Variants in SAMHD1 observed in about 807,000 individuals in gnomAD.
SAMHD1 encodes SAM and HD domain containing deoxynucleoside triphosphate triphosphohydrolase 1, also known as deoxynucleoside triphosphate triphosphohydrolase SAMHD1.
A neutral mutation model predicts 79.6 loss-of-function variants in SAMHD1; 54 were observed. The observed-to-expected ratio is 0.68, with a 90% CI of 0.55 to 0.85. The LOEUF is 0.85. Among genes scored for constraint, SAMHD1 ranks in the 40% least tolerant of loss-of-function variants. The pLI, the probability that SAMHD1 is intolerant of heterozygous loss-of-function variation, is 0.00. For missense variants in SAMHD1, 663 were observed against 782.7 expected, an observed-to-expected ratio of 0.85 and a Z score of 1.82; for synonymous variants, 260 against 264.1, an observed-to-expected ratio of 0.98 and a Z score of 0.15.
rs948233853 is a variant in SAMHD1, at chr20:36,951,350, C to A, written c.208+86G>T. The A allele has an allele frequency of 7.2e-5, 114 of 1,582,364 alleles. No homozygotes were observed. In the African/African-American group the frequency reaches 1.4e-3, roughly 19 times the overall value. On this transcript the variant is annotated intron_variant, in intron 1 of 15. Coordinates refer to ENST00000646673, the MANE Select transcript of SAMHD1 (RefSeq NM_015474.4). ...GCAGGGCTCGCTCCTCGGCCTCGGT[C>A]CTCTCGTGGGGCCCCCTCCCTCAGG...
rs71186095 is a variant in SAMHD1, at chr20:36,947,551, GGTGTGTGTGT to G, written c.209-757_209-748del. Among the ~76,000 whole-genome samples the G allele has an allele frequency of 7.8e-3, 591 of 75,750 alleles. 13 individuals are homozygous for G. The highest frequency in any genetic ancestry group is 8.0e-3 in the Non-Finnish European group (329 of 41,058). 49.7% of individuals were successfully genotyped at this position (75,750 alleles called of 152,430 possible). A position where few individuals can be genotyped will look rare whatever the true frequency, so the allele number is the denominator to read the frequency against. On this transcript the variant is annotated intron_variant, in intron 1 of 15. Transcript: ENST00000646673. ...ACTCAATACTCTGATTTGGAAGAGG[GGTGTGTGTGT>G]GTGTGTGTGTGTGTGTGTGTGTGTG...
At chr20:36,924,684 G>A (rs905563647) in intron 6 of SAMHD1, among the ~76,000 whole-genome samples, 3 of 152,060 alleles carry the variant, frequency 2.0e-5, no homozygotes, top group Non-Finnish European at 4.4e-5. Context: ...GCCTCTCTGG[G>A]CCTGATAATG....
chr20:36,908,745 G>A (rs2063419834), intron 11 of SAMHD1, among the ~76,000 whole-genome samples: 1 of 152,088 alleles, frequency 6.6e-6, no homozygotes, highest in Non-Finnish European at 1.5e-5. Flanking sequence ...TTTAGGAGGA[G>A]CTAGTTTAGG....
chr20:36,898,439 C>T lies in SAMHD1; in HGVS notation c.1608+1G>A, dbSNP rs373731440. 6.2e-7 allele frequency: 1 copy of T among 1,607,022 alleles called. No homozygotes were observed. Among genetic ancestry groups the T allele is most frequent in the African/African-American group, 1.3e-5 (1 of 74,848 alleles). ...TATATTTGTTTTGCCTAAGTAGTTA[C>T]CTGGTTTTTAGTAATCCTGATTGCT... On this transcript the variant is annotated splice_donor_variant, in intron 14 of 15. Transcript: ENST00000646673. LOFTEE classifies it high-confidence loss of function.
chr20:36,913,606 G>GAA (rs796926123), intron 9 of SAMHD1, among the ~76,000 whole-genome samples: 5 of 112,372 alleles, frequency 4.4e-5, no homozygotes, highest in Admixed American at 9.0e-5. Context: ...CCAACTCAAA[G>GAA]AAAAAAAAAA....
chr20:36,899,209 G>A (rs1360368472), intron 13 of SAMHD1, among the ~76,000 whole-genome samples: 2 of 148,884 alleles, frequency 1.3e-5, no homozygotes, highest in Admixed American at 6.8e-5. Flanking sequence ...CCAGGAGTTC[G>A]AGACCACCCT....
intron 15 of SAMHD1, chr20:36,894,146 A>ACTTGGACTCTG: frequency 2.5e-6 from 1 of 393,376 alleles, no homozygotes. Context: ...CTCTGCCAAA[A>ACTTGGACTCTG]CTTTTGTATC....
At chr20:36,951,311 G>T in intron 1 of SAMHD1, 125 bp downstream of exon 1, 1 of 1,371,986 alleles carries the variant, frequency 7.3e-7, no homozygotes. Flanking sequence ...CCGCCCTCCC[G>T]GGTGCCTCCC....
intron 2 of SAMHD1, among the ~76,000 whole-genome samples, chr20:36,942,616 C>T (rs1319328753): frequency 6.6e-6 from 1 of 151,508 alleles, no homozygotes; most frequent in African/African-American, 2.4e-5. Context: ...TTACAATTGA[C>T]ATGTATATTT....
chr20:36,947,385 GGTGT>G (rs1555837832), intron 1 of SAMHD1, among the ~76,000 whole-genome samples: 1 of 73,258 alleles, frequency 1.4e-5, no homozygotes, highest in Non-Finnish European at 2.3e-5. Context: ...ATTTGGAAGA[GGTGT>G]GTGTGATTTG....
chr20:36,925,792 T>G (rs1022220307), intron 6 of SAMHD1, among the ~76,000 whole-genome samples: 1 of 152,146 alleles, frequency 6.6e-6, no homozygotes, highest in Non-Finnish European at 1.5e-5. Context: ...CATTTGACAC[T>G]CATTAGAAGG....
chr20:36,949,531 C>T (rs6030377), intron 1 of SAMHD1, among the ~76,000 whole-genome samples: 4 of 149,646 alleles, frequency 2.7e-5, no homozygotes, highest in East Asian at 2.0e-4. Context: ...CTGAGGCAGG[C>T]GGATCACGAG....
intron 5 of SAMHD1, among the ~76,000 whole-genome samples, chr20:36,929,438 A>G (rs1433251557): frequency 6.6e-6 from 1 of 152,110 alleles, no homozygotes; most frequent in Non-Finnish European, 1.5e-5. Context: ...CCCATGATTT[A>G]AAAGGAACAG....
chr20:36,915,428 T>C (rs2063468666), intron 9 of SAMHD1, among the ~76,000 whole-genome samples: 1 of 152,130 alleles, frequency 6.6e-6, no homozygotes, highest in African/African-American at 2.4e-5. Flanking sequence ...TTTAGTTAAG[T>C]TTTTGGGAAG....
chr20:36,951,390 C>T (rs368903626), intron 1 of SAMHD1, 46 bp downstream of exon 1: 15 of 1,608,908 alleles, frequency 9.3e-6, no homozygotes, highest in African/African-American at 1.3e-5. Context: ...CTGGCCCGCG[C>T]CCCAGGTCGC....
At chr20:36,946,901 G>C in intron 1 of SAMHD1, 97 bp from the exon 2 acceptor site, 2 of 911,446 alleles carry the variant, frequency 2.2e-6, no homozygotes, top group Non-Finnish European at 3.5e-6. Flanking sequence ...CCACATAAGT[G>C]AGTACCCACT....
chr20:36,900,367 TC>T (rs138572736), intron 13 of SAMHD1, among the ~76,000 whole-genome samples: 33,493 of 151,174 alleles, frequency 0.22, 4,410 homozygotes, highest in East Asian at 0.46. Flanking sequence ...TGCCTCAGCC[TC>T]CTAAGTAGCT....
intron 10 of SAMHD1, chr20:36,912,228 C>T (rs1335057119): frequency 2.0e-6 from 1 of 511,738 alleles, no homozygotes; most frequent in Non-Finnish European, 3.5e-6. Flanking sequence ...CTCTTCTTCC[C>T]TTCATCTGCC....
At chr20:36,919,218 T>C (rs1410547190) in intron 7 of SAMHD1, 146 bp downstream of exon 7, 1 of 734,098 alleles carries the variant, frequency 1.4e-6, no homozygotes, top group African/African-American at 1.8e-5. Context: ...ATAAGCCTTT[T>C]ATTTTTTGCA....
Sources: allele counts gnomAD v4.1 joint callset (sites outside exome capture counted in the v4.1 genomes callset), GRCh38; gene constraint gnomAD v4.1.1; transcripts MANE v1.5; gene names NCBI Gene and HGNC (gene_info 2026-07-23, HGNC 2026-07-21).